The following FHIT variants were observed in gnomAD, a reference collection of about 807,000 sequenced individuals.
The protein encoded by FHIT is fragile histidine triad diadenosine triphosphatase.
FHIT carries 19 observed loss-of-function variants against 17.9 expected under a neutral mutation model. The observed-to-expected ratio is 1.06, with a 90% CI of 0.74 to 1.56. The LOEUF (loss-of-function observed/expected upper bound fraction) is 1.56. Ranked by LOEUF, FHIT falls within the 40% of genes most tolerant of loss-of-function variation. The pLI is 0.00. For missense variants in FHIT, 248 were observed against 189.2 expected (o/e 1.31, Z -1.82); for synonymous variants, 81 against 69.7 (o/e 1.16, Z -0.81).
At chr3:60,196,024 T>A (rs1374303427) in intron 5 of FHIT, among the ~76,000 whole-genome samples, 3 of 152,114 alleles carry the variant, frequency 2.0e-5, no homozygotes, top group Non-Finnish European at 2.9e-5. Context: ...CTAAAGCTAT[T>A]GAAATTTGTT....
At chr3:59,907,087 G>A (rs1376658839) in intron 8 of FHIT, among the ~76,000 whole-genome samples, 1 of 152,170 alleles carries the variant, frequency 6.6e-6, no homozygotes, top group African/African-American at 2.4e-5. Flanking sequence ...AGTTTGAAGG[G>A]AAACTGAGCC....
chr3:60,864,793 C>T (rs782280797), intron 3 of FHIT, among the ~76,000 whole-genome samples: 19 of 152,106 alleles, frequency 1.2e-4, no homozygotes, highest in African/African-American at 1.7e-4. Context: ...CTCTTAGGAA[C>T]GCAGTGTATA....
chr3:60,793,061 A>T (rs1553729056), intron 4 of FHIT, among the ~76,000 whole-genome samples: 2 of 152,188 alleles, frequency 1.3e-5, no homozygotes, highest in Non-Finnish European at 2.9e-5. Flanking sequence ...TTGTGACCAT[A>T]AGACACAGGA....
In FHIT at chr3:59,747,757, C is replaced by T. The variant is rs1700685349; in HGVS notation, c.*1828G>A. Among the ~76,000 whole-genome samples, 1 of 151,748 alleles carries T rather than the reference C, an allele frequency of 6.6e-6. No individual in the cohort carries two copies. On this transcript the variant is annotated 3_prime_UTR_variant, in exon 10 of 10. Transcript: ENST00000492590. ...TAGGGAAGCTGACTCTTTGGTTTTC[C>T]CCCATGCACCTTGTCTTCTTGATAT...
chr3:60,452,860 A>T (rs941737774), intron 5 of FHIT, among the ~76,000 whole-genome samples: 1 of 152,200 alleles, frequency 6.6e-6, no homozygotes, highest in African/African-American at 2.4e-5. Flanking sequence ...AACAAGGTAC[A>T]TTGAAAGTAT....
At chr3:60,845,270 A>G (rs1702885612) in intron 3 of FHIT, among the ~76,000 whole-genome samples, 1 of 152,032 alleles carries the variant, frequency 6.6e-6, no homozygotes, top group Non-Finnish European at 1.5e-5. Context: ...TGTGATGCAG[A>G]ATTATGTGAA....
chr3:60,885,129 T>C (rs1051235032), intron 3 of FHIT, among the ~76,000 whole-genome samples: 6 of 152,008 alleles, frequency 3.9e-5, no homozygotes, highest in Admixed American at 2.0e-4. Context: ...TAGTGTTTGA[T>C]AGCACAGCAG....
intron 8 of FHIT, among the ~76,000 whole-genome samples, chr3:59,915,442 C>A (rs962898747): frequency 2.0e-5 from 3 of 152,192 alleles, no homozygotes; most frequent in Non-Finnish European, 4.4e-5. Context: ...TACCTCAAAG[C>A]AAACTCTAGG....
intron 8 of FHIT, among the ~76,000 whole-genome samples, chr3:59,898,442 TTGTGTG>T (rs3075168): frequency 4.4e-4 from 64 of 145,950 alleles, no homozygotes; most frequent in African/African-American, 5.5e-4. Flanking sequence ...GTGTGTATGT[TTGTGTG>T]TGTGTGTGTG....
intron 1 of FHIT, among the ~76,000 whole-genome samples, chr3:61,213,166 A>C (rs2039546108): frequency 6.6e-6 from 1 of 152,236 alleles, no homozygotes; most frequent in African/African-American, 2.4e-5. Context: ...TATTAACTTT[A>C]AATGTAAATG....
chr3:60,966,270 T>C (rs1423563647), intron 3 of FHIT, among the ~76,000 whole-genome samples: 1 of 152,216 alleles, frequency 6.6e-6, no homozygotes, highest in African/African-American at 2.4e-5. Flanking sequence ...GGTGTGCCCT[T>C]TGCTAAGACA....
chr3:59,752,905 A>G (rs9855365), intron 8 of FHIT, among the ~76,000 whole-genome samples: 5,872 of 152,256 alleles, frequency 0.039, 391 homozygotes, highest in African/African-American at 0.13. Context: ...GTAGTTCCTT[A>G]TAGCACTGTA....
chr3:60,732,040 A>G, intron 4 of FHIT: 1 of 467,588 alleles, frequency 2.1e-6, no homozygotes, highest in Non-Finnish European at 3.9e-6. Flanking sequence ...AATTGCAGCG[A>G]CAATACAAAG....
intron 7 of FHIT, among the ~76,000 whole-genome samples, chr3:59,948,935 G>A (rs1239469375): frequency 6.6e-6 from 1 of 151,956 alleles, no homozygotes; most frequent in Non-Finnish European, 1.5e-5. Context: ...TGTTACCTGA[G>A]TAAAGGTAAC....
At chr3:60,526,722 A>G (rs1326644230) in intron 5 of FHIT, among the ~76,000 whole-genome samples, 1 of 152,112 alleles carries the variant, frequency 6.6e-6, no homozygotes, top group African/African-American at 2.4e-5. Context: ...AGCACATGGG[A>G]AGCTCTCCAA....
chr3:60,778,586 G>A (rs1382752807), intron 4 of FHIT, among the ~76,000 whole-genome samples: 1 of 152,162 alleles, frequency 6.6e-6, no homozygotes, highest in Non-Finnish European at 1.5e-5. Context: ...ACTATTTACA[G>A]CCTTTAACAA....
At chr3:60,986,131 TA>T (rs1710711752) in intron 3 of FHIT, among the ~76,000 whole-genome samples, 1 of 152,220 alleles carries the variant, frequency 6.6e-6, no homozygotes, top group African/African-American at 2.4e-5. Flanking sequence ...CCTTTTGCCA[TA>T]AGAGGTAACT....
chr3:60,595,110 C>T (rs191924268), intron 4 of FHIT, among the ~76,000 whole-genome samples: 25 of 152,224 alleles, frequency 1.6e-4, no homozygotes, highest in Non-Finnish European at 2.9e-5. Context: ...AAGCAACAGT[C>T]TGGCCTCACC....
At chr3:60,630,518 C>T (rs1297337404) in intron 4 of FHIT, among the ~76,000 whole-genome samples, 1 of 152,140 alleles carries the variant, frequency 6.6e-6, no homozygotes, top group Non-Finnish European at 1.5e-5. Context: ...GGAATAGTAA[C>T]ACAAAAAAGG....
Sources: gnomAD v4.1 joint callset for allele counts (sites outside exome capture counted in the v4.1 genomes callset) on GRCh38, gnomAD v4.1.1 for gene constraint, MANE v1.5 for transcripts, NCBI Gene and HGNC (gene_info 2026-07-23, HGNC 2026-07-21) for gene names.